Variants in PRTG observed in about 807,000 individuals in gnomAD.
The protein encoded by PRTG is protogenin.
In PRTG, 67 loss-of-function variants were observed where a neutral mutation model predicts 122.5. That is an observed-to-expected ratio of 0.55 (90% CI 0.45 to 0.67). The LOEUF is 0.67. Among genes scored for constraint, PRTG ranks in the 30% least tolerant of loss-of-function variants. The pLI, the probability that PRTG is intolerant of heterozygous loss-of-function variation, is 0.00. For missense variants in PRTG, 1,435 were observed against 1,415.4 expected, an observed-to-expected ratio of 1.01 and a Z score of -0.22; for synonymous variants, 554 against 501.1, an observed-to-expected ratio of 1.11 and a Z score of -1.41.
At chr15:55,700,330 T>A (rs2059654976) in intron 2 of PRTG, among the ~76,000 whole-genome samples, 1 of 152,108 alleles carries the variant, frequency 6.6e-6, no homozygotes. Flanking sequence ...TTAAATTGGG[T>A]CAAAGACCTA....
chr15:55,656,305 G>A (rs993412483), intron 11 of PRTG: 1 of 451,944 alleles, frequency 2.2e-6, no homozygotes. Context: ...CTGTTTTGTG[G>A]AATGTCTCAC....
chr15:55,686,826 G>C (rs564846188), intron 2 of PRTG, among the ~76,000 whole-genome samples: 32 of 152,090 alleles, frequency 2.1e-4, no homozygotes, highest in Non-Finnish European at 3.8e-4. Flanking sequence ...TCCTTCTCTT[G>C]CTAATAACAT....
chr15:55,698,651 G>C (rs933403648), intron 2 of PRTG, among the ~76,000 whole-genome samples: 1 of 152,134 alleles, frequency 6.6e-6, no homozygotes, highest in African/African-American at 2.4e-5. Context: ...AGCCACAGGT[G>C]TATTTATATG....
At position 55,680,030 on chromosome 15, in the gene PRTG, G is replaced by T. The variant is rs749226495; in HGVS notation, c.973+24C>A. On this transcript the variant is annotated intron_variant, in intron 6 of 19. Coordinates refer to ENST00000389286, the MANE Select transcript of PRTG (RefSeq NM_173814.6). ...AAATGTTAAAATGTAAGATTCCCCT[G>T]ATTGCAGAATGAAAGGAACATACCT... 1.4e-5 allele frequency: 23 copies of T among 1,592,100 alleles called. No homozygotes were observed. The South Asian group carries it at 2.5e-4, about 17-fold the overall frequency.
intron 11 of PRTG, among the ~76,000 whole-genome samples, chr15:55,653,102 A>C (rs182743434): frequency 3.0e-4 from 46 of 152,362 alleles, no homozygotes; most frequent in Non-Finnish European, 3.5e-4. Context: ...ATTCTCTTTA[A>C]TGATGACTAT....
chr15:55,642,031 G>A (rs1163690640), intron 11 of PRTG, among the ~76,000 whole-genome samples: 3 of 150,806 alleles, frequency 2.0e-5, no homozygotes, highest in East Asian at 2.0e-4. Context: ...AAAATTAGCC[G>A]GGCGCAGTGG....
At chr15:55,726,715 G>A (rs959606581) in intron 2 of PRTG, among the ~76,000 whole-genome samples, 8 of 149,822 alleles carry the variant, frequency 5.3e-5, no homozygotes, top group Non-Finnish European at 1.2e-4. Flanking sequence ...ACTTAAACCA[G>A]AAGTAAAACT....
At chr15:55,640,608 G>A (rs2059284089) in intron 12 of PRTG, among the ~76,000 whole-genome samples, 1 of 152,206 alleles carries the variant, frequency 6.6e-6, no homozygotes, top group Non-Finnish European at 1.5e-5. Flanking sequence ...TAGATATTCA[G>A]TGGTTATTTT....
intron 2 of PRTG, among the ~76,000 whole-genome samples, chr15:55,696,289 A>G (rs1031614628): frequency 5.9e-5 from 9 of 152,194 alleles, no homozygotes; most frequent in Non-Finnish European, 1.2e-4. Flanking sequence ...GAAATTTCTA[A>G]CACAACTCTC....
At chr15:55,708,655 C>T (rs2030247356) in intron 2 of PRTG, among the ~76,000 whole-genome samples, 1 of 152,044 alleles carries the variant, frequency 6.6e-6, no homozygotes, top group South Asian at 2.1e-4. Context: ...GAACAAATCA[C>T]TGCTGTACTA....
rs547449025 is a variant in PRTG at position 55,631,161 on chromosome 15, C to T, written c.2624-2157G>A. Among the ~76,000 whole-genome samples, 9 of 152,064 alleles carry T rather than the reference C, an allele frequency of 5.9e-5. No individual in the cohort carries two copies. The South Asian group carries it at 1.9e-3, about 32-fold the overall frequency. Reference sequence around the variant, plus strand: ...TGAGCTACTTGAGTACACAACTGTTCAATAAACAAAGTGACCCCTATTTAG... The same window carrying T: ...TGAGCTACTTGAGTACACAACTGTTTAATAAACAAAGTGACCCCTATTTAG... On this transcript the variant is annotated intron_variant, in intron 15 of 19. Transcript: ENST00000389286.
Position 55,620,037 on chromosome 15 carries a change from A to T in PRTG, c.3428T>A (p.Ile1143Lys). The T allele has an allele frequency of 6.2e-7, 1 of 1,614,134 alleles. No individual in the cohort carries two copies. Among genetic ancestry groups the T allele is most frequent in the Non-Finnish European group, 8.5e-7 (1 of 1,180,002 alleles). Residue 1143 changes from isoleucine (I) to lysine (K), a missense_variant, in exon 20 of 20, where the codon ATA (isoleucine) becomes AAA (lysine). Transcript: ENST00000389286. ...TCAGAGGTTGGGGGGTGTGGTACTT[A>T]TAACTGAGGACAGATGTATCTCATC... ...SNDEIHLSSV[I>K]STTPPNL
intron 2 of PRTG, among the ~76,000 whole-genome samples, chr15:55,700,306 C>T (rs148857318): frequency 1.4e-3 from 218 of 151,938 alleles, no homozygotes; most frequent in African/African-American, 4.9e-3. Context: ...TTATACCTTA[C>T]GCAAAAAAAT....
intron 2 of PRTG, among the ~76,000 whole-genome samples, chr15:55,733,918 A>G (rs1336057148): frequency 1.3e-5 from 2 of 152,258 alleles, no homozygotes; most frequent in East Asian, 1.9e-4. Context: ...AACAAGTAGA[A>G]TATCAAGGAT....
intron 2 of PRTG, among the ~76,000 whole-genome samples, chr15:55,704,079 A>C (rs2029990702): frequency 6.6e-6 from 1 of 152,204 alleles, no homozygotes; most frequent in African/African-American, 2.4e-5. Flanking sequence ...TATGAATTCA[A>C]GGGGGAAAAA....
intron 17 of PRTG, among the ~76,000 whole-genome samples, chr15:55,626,650 C>T (rs1291572461): frequency 4.7e-5 from 7 of 148,928 alleles, no homozygotes; most frequent in South Asian, 2.1e-4. Context: ...CCCAGCTACT[C>T]GAGAGACTGA....
At chr15:55,704,819 T>A (rs1021283708) in intron 2 of PRTG, among the ~76,000 whole-genome samples, 1 of 152,198 alleles carries the variant, frequency 6.6e-6, no homozygotes. Context: ...AGCAAGCCAA[T>A]TTAATTGATA....
intron 11 of PRTG, among the ~76,000 whole-genome samples, chr15:55,644,095 T>G (rs1438934879): frequency 6.6e-6 from 1 of 152,120 alleles, no homozygotes; most frequent in Non-Finnish European, 1.5e-5. Context: ...TACCTTGGCC[T>G]CACAAAGTGC....
intron 2 of PRTG, among the ~76,000 whole-genome samples, chr15:55,686,135 T>A (rs2059568990): frequency 1.3e-5 from 2 of 152,296 alleles, no homozygotes; most frequent in South Asian, 4.2e-4. Flanking sequence ...CAGGTAAGTT[T>A]GTCTTTTTAT....
Sources: allele counts gnomAD v4.1 joint callset (sites outside exome capture counted in the v4.1 genomes callset), GRCh38; gene constraint gnomAD v4.1.1; transcripts MANE v1.5; gene names NCBI Gene and HGNC (gene_info 2026-07-23, HGNC 2026-07-21).